The following ZEB1 variants were observed in gnomAD, a reference collection of about 807,000 sequenced individuals.
ZEB1 encodes the protein zinc finger E-box-binding homeobox 1.
A neutral mutation model predicts 84.9 loss-of-function variants in ZEB1; 21 were observed. The ratio of observed to expected loss-of-function variants is 0.25; its 90% confidence interval spans 0.18 to 0.36. The LOEUF is 0.36. Ranked by LOEUF, ZEB1 falls within the 10% of genes least tolerant of loss-of-function variation. ZEB1 has a pLI of 1.00. For missense variants in ZEB1, 1,104 were observed against 1,330.2 expected (o/e 0.83, Z 2.65); for synonymous variants, 420 against 471.1 (o/e 0.89, Z 1.41).
intron 1 of ZEB1, among the ~76,000 whole-genome samples, chr10:31,443,195 G>T (rs997022640): frequency 6.6e-6 from 1 of 152,162 alleles, no homozygotes; most frequent in Non-Finnish European, 1.5e-5. Context: ...CGAATTGCTT[G>T]TGCATATTCT....
chr10:31,372,561 T>C (rs2045910242), intron 1 of ZEB1, among the ~76,000 whole-genome samples: 1 of 152,086 alleles, frequency 6.6e-6, no homozygotes. Flanking sequence ...AAAAGTATCA[T>C]GATCAGGCAG....
chr10:31,435,604 G>A (rs1369212550), intron 1 of ZEB1, among the ~76,000 whole-genome samples: 1 of 152,138 alleles, frequency 6.6e-6, no homozygotes, highest in Non-Finnish European at 1.5e-5. Flanking sequence ...TGTGGAGTTG[G>A]AAACAGAATC....
chr10:31,464,552 C>G (rs756114901), intron 2 of ZEB1, among the ~76,000 whole-genome samples: 1 of 151,964 alleles, frequency 6.6e-6, no homozygotes, highest in African/African-American at 2.4e-5. Flanking sequence ...CTGTAAAGAT[C>G]AAAGAAGTCC....
intron 4 of ZEB1, among the ~76,000 whole-genome samples, chr10:31,503,341 T>C (rs1436698264): frequency 6.6e-6 from 1 of 152,168 alleles, no homozygotes; most frequent in Non-Finnish European, 1.5e-5. Context: ...AGATATTTAA[T>C]GTAATTTAAT....
chr10:31,331,081 CTTTTTTTTTTTTT>C (rs548615284), intron 1 of ZEB1, among the ~76,000 whole-genome samples: 17 of 77,848 alleles, frequency 2.2e-4, no homozygotes, highest in South Asian at 5.1e-4. Context: ...TTCTTTCTTT[CTTTTTTTTTTTTT>C]TTTTTTTTTT....
At chr10:31,448,702 G>A (rs932835878) in intron 1 of ZEB1, among the ~76,000 whole-genome samples, 1 of 152,094 alleles carries the variant, frequency 6.6e-6, no homozygotes, top group South Asian at 2.1e-4. Flanking sequence ...CCTGCTGGGG[G>A]GTGCCTCCCA....
At chr10:31,387,611 A>G (rs2048856182) in intron 1 of ZEB1, 2 of 437,522 alleles carry the variant, frequency 4.6e-6, no homozygotes, top group East Asian at 1.6e-4. Flanking sequence ...TTTTGAAACA[A>G]TGACACCATT....
intron 7 of ZEB1, among the ~76,000 whole-genome samples, 160 bp from the exon 8 acceptor site, chr10:31,523,773 T>C (rs2072860193): frequency 6.6e-6 from 1 of 152,222 alleles, no homozygotes. Flanking sequence ...GCCCCACCCT[T>C]GGGGCACATG....
chr10:31,438,964 A>C (rs1036142195), intron 1 of ZEB1, among the ~76,000 whole-genome samples: 1 of 152,250 alleles, frequency 6.6e-6, no homozygotes, highest in African/African-American at 2.4e-5. Flanking sequence ...GCCACTAGCA[A>C]CATTATGCTG....
chr10:31,391,397 C>T (rs1301631002), intron 1 of ZEB1, among the ~76,000 whole-genome samples: 1 of 151,912 alleles, frequency 6.6e-6, no homozygotes, highest in Admixed American at 6.6e-5. Flanking sequence ...CTTCCTCACT[C>T]TAAGAAGGAA....
At chr10:31,352,394 A>G (rs1026880919) in intron 1 of ZEB1, among the ~76,000 whole-genome samples, 3 of 152,228 alleles carry the variant, frequency 2.0e-5, no homozygotes, top group Non-Finnish European at 4.4e-5. Context: ...TAGTGCCAAC[A>G]CTGGCATTGT....
chr10:31,497,208 T>A (rs1735679), intron 3 of ZEB1, among the ~76,000 whole-genome samples: 109,394 of 151,690 alleles, frequency 0.72, 47,635 homozygotes, highest in Non-Finnish European at 0.95. Context: ...TAAACTTTGA[T>A]GACTTATATT....
At chr10:31,501,937 G>A (rs2068206898) in intron 3 of ZEB1, among the ~76,000 whole-genome samples, 1 of 152,168 alleles carries the variant, frequency 6.6e-6, no homozygotes, top group African/African-American at 2.4e-5. Flanking sequence ...ATAAGGGGCT[G>A]TCTATTGTCC....
intron 1 of ZEB1, among the ~76,000 whole-genome samples, chr10:31,362,366 G>T (rs1312530850): frequency 6.8e-6 from 1 of 146,966 alleles, no homozygotes; most frequent in Non-Finnish European, 1.5e-5. Flanking sequence ...CAGAGTGTAG[G>T]GGGGCCGGGC....
intron 2 of ZEB1, among the ~76,000 whole-genome samples, chr10:31,468,020 G>T (rs952661541): frequency 6.6e-6 from 1 of 152,060 alleles, no homozygotes; most frequent in African/African-American, 2.4e-5. Flanking sequence ...CCATCTGCTG[G>T]AATGAAATCC....
chr10:31,440,452 A>C (rs2058792589), intron 1 of ZEB1, among the ~76,000 whole-genome samples: 1 of 152,222 alleles, frequency 6.6e-6, no homozygotes. Context: ...CCAATATCAT[A>C]CTGAATGGGC....
intron 2 of ZEB1, among the ~76,000 whole-genome samples, chr10:31,466,547 A>T (rs2062443410): frequency 1.3e-5 from 2 of 152,210 alleles, no homozygotes; most frequent in South Asian, 2.1e-4. Flanking sequence ...GGAAGTAAAA[A>T]ATATCTTGAA....
At chr10:31,516,919 C>T (rs1254275604) in intron 6 of ZEB1, among the ~76,000 whole-genome samples, 1 of 151,964 alleles carries the variant, frequency 6.6e-6, no homozygotes, top group Non-Finnish European at 1.5e-5. Flanking sequence ...AGGACTGGTA[C>T]CAGTCTGCAA....
In ZEB1 at chr10:31,529,451, C is replaced by T. The variant is rs1294420711; in HGVS notation, c.*2187C>T. 6.6e-6 allele frequency: 1 copy of T among 152,192 alleles called. No individual in the cohort carries two copies. The highest frequency in any genetic ancestry group is 1.9e-4 in the East Asian group (1 of 5,204). The allele number at this position is 152,192 out of a possible 1,614,324, so 9.4% of individuals were successfully genotyped here. A position where few individuals can be genotyped will look rare whatever the true frequency, so the allele number is the denominator to read the frequency against. On this transcript the variant is annotated 3_prime_UTR_variant, in exon 9 of 9. Coordinates refer to ENST00000424869, the MANE Select transcript of ZEB1 (RefSeq NM_001174096.2). Reference sequence around the variant, plus strand: ...ATCCTCCGCATTTCATGCTTCAGGTCATTTCAGGGAAGCCTGGGTTTAGAT... The same window carrying T: ...ATCCTCCGCATTTCATGCTTCAGGTTATTTCAGGGAAGCCTGGGTTTAGAT...
Sources: allele counts gnomAD v4.1 joint callset (sites outside exome capture counted in the v4.1 genomes callset), GRCh38; gene constraint gnomAD v4.1.1; transcripts MANE v1.5; gene names NCBI Gene and HGNC (gene_info 2026-07-23, HGNC 2026-07-21).